APTX: variants seen among roughly 807,000 people sequenced by gnomAD.
APTX encodes aprataxin.
In APTX, 33 loss-of-function variants were observed where a neutral mutation model predicts 42.3. The observed-to-expected ratio is 0.78, with a 90% confidence interval of 0.59 to 1.04. The LOEUF (loss-of-function observed/expected upper bound fraction) is 1.04, where lower values mean the gene tolerates loss of function less well. Ranked by LOEUF, APTX falls within the 50% of genes least tolerant of loss-of-function variation. APTX has a pLI of 0.00. For synonymous variants in APTX, 130 were observed against 146.7 expected (o/e 0.89, Z 0.82); for missense variants, 421 against 415.1 (o/e 1.01, Z -0.12).
At chr9:32,998,480 T>G (rs1030013915) in intron 1 of APTX, among the ~76,000 whole-genome samples, 1 of 152,226 alleles carries the variant, frequency 6.6e-6, no homozygotes, top group East Asian at 1.9e-4. Flanking sequence ...CAAATGCCCA[T>G]CAATGATAGA....
At chr9:33,001,264 C>G in intron 1 of APTX, 9 of 1,414,686 alleles carry the variant, frequency 6.4e-6, no homozygotes, top group Non-Finnish European at 7.5e-6. Context: ...CAAGCTGGGC[C>G]GCCTCCTTGG....
At chr9:33,007,475 C>G (rs1230035435) in intron 1 of APTX, among the ~76,000 whole-genome samples, 1 of 152,132 alleles carries the variant, frequency 6.6e-6, no homozygotes, top group East Asian at 1.9e-4. Context: ...GTGCAAAGGA[C>G]GTTGGCAGCC....
At position 32,974,541 on chromosome 9, in the gene APTX, A is replaced by G; in HGVS notation, c.791T>C (p.Ile264Thr). 2 of 1,609,672 alleles carry G rather than the reference A, an allele frequency of 1.2e-6. No individual in the cohort carries two copies. The highest frequency in any genetic ancestry group is 1.7e-6 in the Non-Finnish European group (2 of 1,178,418). ...GCAAGGAGAATCAAAATCCTGGCTG[A>G]TCACATGAAGATGTACATGGCTAGT... The part of the protein sequence containing the change: ...PSMSHVHLHV[I>T]SQDFDSPCLK... Residue 264 changes from isoleucine (I) to threonine (T), a missense_variant, in exon 7 of 8, where the codon ATC becomes ACC. By Grantham distance (89) the Ile-to-Thr change is moderately conservative (BLOSUM62 -1). Coordinates refer to ENST00000379817, the MANE Select transcript of APTX (RefSeq NM_001195248.2).
chr9:32,973,382 A>G lies in APTX; in HGVS notation c.*116T>C. 8.0e-7 allele frequency: 1 copy of G among 1,243,064 alleles called. No individual in the cohort carries two copies. Among genetic ancestry groups the G allele is most frequent in the South Asian group, 1.2e-5 (1 of 82,220 alleles). 77.0% of individuals were successfully genotyped at this position (1,243,064 alleles called of 1,614,324 possible). Reference sequence around the variant, plus strand: ...CACTCAATAATAGAATAAATTTGTGAAAAAGCTGCATGTTTTAATTTAGGA... The same window carrying G: ...CACTCAATAATAGAATAAATTTGTGGAAAAGCTGCATGTTTTAATTTAGGA... On this transcript the variant is annotated 3_prime_UTR_variant, in exon 8 of 8. Coordinates refer to ENST00000379817, the MANE Select transcript of APTX (RefSeq NM_001195248.2).
Position 33,007,906 on chromosome 9 carries a change from G to A in APTX, c.-5+17117C>T, listed in dbSNP as rs565586905. Reference sequence around the variant, plus strand: ...AGAGGGGTACTCTGCCTATCAACCCGTCCTCTGCTGGTTTCCTTCCCATCC... The same window carrying A: ...AGAGGGGTACTCTGCCTATCAACCCATCCTCTGCTGGTTTCCTTCCCATCC... On this transcript the variant is annotated intron_variant, in intron 1 of 6. Coordinates refer to the APTX transcript ENST00000436040. 2.3e-4 allele frequency among the ~76,000 whole-genome samples: 35 copies of A among 150,488 alleles called. No homozygotes were observed. In the South Asian group the frequency reaches 5.1e-3, roughly 22 times the overall value.
At position 32,972,694 on chromosome 9, in the gene APTX, A is replaced by G. The variant is rs1828338812; in HGVS notation, c.*804T>C. 1 of 446,048 alleles carries G rather than the reference A, an allele frequency of 2.2e-6. No homozygotes were observed. The highest frequency in any genetic ancestry group is 4.5e-6 in the Non-Finnish European group (1 of 222,162). 27.6% of individuals were successfully genotyped at this position (446,048 alleles called of 1,614,324 possible). ...TTTTTCATTCACCAACCACCTTTCC[A>G]TGCATCAGAACCTATGCTGTGATTG... On this transcript the variant is annotated 3_prime_UTR_variant, in exon 8 of 8. Coordinates refer to ENST00000379817, the MANE Select transcript of APTX (RefSeq NM_001195248.2).
intron 1 of APTX, among the ~76,000 whole-genome samples, chr9:33,010,506 G>A (rs1200068889): frequency 6.6e-6 from 1 of 152,004 alleles, no homozygotes; most frequent in African/African-American, 2.4e-5. Flanking sequence ...GATCACTTGA[G>A]GTCAGAAGTT....
chr9:32,980,091 G>A (rs1042708563), intron 6 of APTX: 5 of 152,598 alleles, frequency 3.3e-5, no homozygotes, highest in South Asian at 2.0e-4. Context: ...CACTGCCACC[G>A]GAGCTACTTT....
intron 1 of APTX, among the ~76,000 whole-genome samples, chr9:33,009,662 C>G (rs1564001403): frequency 6.6e-6 from 1 of 151,912 alleles, no homozygotes; most frequent in Non-Finnish European, 1.5e-5. Context: ...GCCCGTGATC[C>G]CAGCTACTTG....
chr9:33,017,269 G>A (rs952261398), intron 1 of APTX, among the ~76,000 whole-genome samples: 1 of 152,214 alleles, frequency 6.6e-6, no homozygotes, highest in Non-Finnish European at 1.5e-5. Context: ...GACTGGCTAT[G>A]AATCGGGGTG....
intron 1 of APTX, among the ~76,000 whole-genome samples, chr9:33,022,400 A>C (rs1838458820): frequency 6.6e-6 from 1 of 152,234 alleles, no homozygotes; most frequent in African/African-American, 2.4e-5. Flanking sequence ...TAACAACAAA[A>C]GGCCCTCATA....
intron 2 of APTX, 130 bp downstream of exon 2, chr9:32,989,629 G>A (rs759075918): frequency 2.2e-6 from 3 of 1,363,830 alleles, no homozygotes; most frequent in Admixed American, 3.4e-5. Context: ...TTGGCTAAAA[G>A]AGCTCAGTTC....
At chr9:33,011,066 C>G (rs920405679) in intron 1 of APTX, among the ~76,000 whole-genome samples, 11 of 151,554 alleles carry the variant, frequency 7.3e-5, no homozygotes, top group Admixed American at 4.6e-4. Context: ...TTGCTTGAAC[C>G]TGAGAGGCAG....
At chr9:33,024,059 G>A (rs1838633771) in intron 1 of APTX, among the ~76,000 whole-genome samples, 1 of 152,220 alleles carries the variant, frequency 6.6e-6, no homozygotes, top group South Asian at 2.1e-4. Flanking sequence ...TGATCTATCA[G>A]GTTAATATAG....
chr9:33,005,722 ACT>A (rs1837090063), upstream of APTX, among the ~76,000 whole-genome samples: 1 of 152,162 alleles, frequency 6.6e-6, no homozygotes, highest in Non-Finnish European at 1.5e-5. Flanking sequence ...GGTGTGAGAC[ACT>A]GTGCCTGGCC....
chr9:33,001,419 G>A (rs371703827), intron 1 of APTX, 148 bp downstream of exon 1: 22 of 1,540,642 alleles, frequency 1.4e-5, no homozygotes, highest in East Asian at 2.4e-5. Context: ...TAGTAACAGG[G>A]GAGGACGGAG....
Position 33,001,555 on chromosome 9 carries a change from C to A in APTX, c.-5+12G>T. 1 of 1,613,786 alleles carries A rather than the reference C, an allele frequency of 6.2e-7. No individual in the cohort carries two copies. Among genetic ancestry groups the A allele is most frequent in the Non-Finnish European group, 8.5e-7 (1 of 1,180,024 alleles). On this transcript the variant is annotated intron_variant, in intron 1 of 7. Coordinates refer to ENST00000379817, the MANE Select transcript of APTX (RefSeq NM_001195248.2). ...CCAGCCAGCAGAAGAGATAGGCTGA[C>A]GACCGCCTTACCTCCAGAAGTCGGA...
At chr9:32,974,372 G>A (rs1424848244) in intron 7 of APTX, 86 bp downstream of exon 7, 2 of 906,950 alleles carry the variant, frequency 2.2e-6, no homozygotes, top group African/African-American at 3.3e-5. Context: ...TTTGAGGTCA[G>A]ACTGTTATTC....
At chr9:33,003,816 C>G (rs577415520), upstream of APTX, among the ~76,000 whole-genome samples, 3 of 151,128 alleles carry the variant, frequency 2.0e-5, no homozygotes, top group Admixed American at 6.6e-5. Context: ...AAGTTTCATC[C>G]ACATTGTATC....
Sources: gnomAD v4.1 joint callset for allele counts (sites outside exome capture counted in the v4.1 genomes callset) on GRCh38, gnomAD v4.1.1 for gene constraint, MANE v1.5 for transcripts, NCBI Gene and HGNC (gene_info 2026-07-23, HGNC 2026-07-21) for gene names.